Variants in KIAA1217 observed in about 807,000 individuals in gnomAD.
The protein encoded by KIAA1217 is sickle tail protein homolog.
Under a neutral mutation model 163.9 loss-of-function variants are expected in KIAA1217, and 88 were observed. The observed-to-expected ratio is 0.54, with a 90% CI of 0.45 to 0.64. The LOEUF is 0.64. Ranked by LOEUF, KIAA1217 falls within the 30% of genes least tolerant of loss-of-function variation. The pLI is 0.00. For synonymous variants in KIAA1217, 903 were observed against 923.1 expected, an observed-to-expected ratio of 0.98 and a Z score of 0.39; for missense variants, 2,372 against 2,475.0, an observed-to-expected ratio of 0.96 and a Z score of 0.88.
chr10:24,264,824 T>TCTCTCTCC (rs1483341281), intron 2 of KIAA1217, among the ~76,000 whole-genome samples: 1 of 151,508 alleles, frequency 6.6e-6, no homozygotes, highest in African/African-American at 2.4e-5. Flanking sequence ...TCTCTCTCTC[T>TCTCTCTCC]CTCCCTTTCT....
At chr10:23,925,135 C>A (rs1302703655) in intron 1 of KIAA1217, among the ~76,000 whole-genome samples, 1 of 151,542 alleles carries the variant, frequency 6.6e-6, no homozygotes, top group Non-Finnish European at 1.5e-5. Flanking sequence ...GGAGAGGAAG[C>A]AAGACAGAAG....
intron 1 of KIAA1217, among the ~76,000 whole-genome samples, chr10:23,923,157 T>C (rs1842909751): frequency 6.6e-6 from 1 of 152,138 alleles, no homozygotes; most frequent in Non-Finnish European, 1.5e-5. Context: ...TGCATCCTCA[T>C]AGCATAGCTC....
intron 2 of KIAA1217, among the ~76,000 whole-genome samples, chr10:24,287,075 A>T (rs2078613683): frequency 6.6e-6 from 1 of 152,064 alleles, no homozygotes; most frequent in Non-Finnish European, 1.5e-5. Flanking sequence ...TTTGAGATGG[A>T]GTCTTGCTCT....
intron 1 of KIAA1217, among the ~76,000 whole-genome samples, chr10:23,808,591 A>G (rs1836848864): frequency 6.6e-6 from 1 of 152,152 alleles, no homozygotes. Flanking sequence ...AACAGAAAAA[A>G]AGGGTGAACT....
intron 2 of KIAA1217, among the ~76,000 whole-genome samples, chr10:24,281,166 C>T (rs1307475379): frequency 6.6e-6 from 1 of 152,188 alleles, no homozygotes; most frequent in Non-Finnish European, 1.5e-5. Context: ...ACAATGTATG[C>T]AGTCTACTCT....
intron 2 of KIAA1217, among the ~76,000 whole-genome samples, chr10:24,094,148 T>C (rs2062052789): frequency 2.0e-5 from 3 of 152,130 alleles, no homozygotes; most frequent in South Asian, 4.1e-4. Context: ...TGATTTATAG[T>C]CCTTTCGGTA....
chr10:24,292,885 A>G (rs1175819297), intron 2 of KIAA1217, among the ~76,000 whole-genome samples: 4 of 152,104 alleles, frequency 2.6e-5, no homozygotes, highest in Non-Finnish European at 5.9e-5. Context: ...AAAAAGAAGA[A>G]AGGTGGCCTG....
At chr10:24,261,878 A>C (rs1389373862) in intron 2 of KIAA1217, among the ~76,000 whole-genome samples, 2 of 152,254 alleles carry the variant, frequency 1.3e-5, no homozygotes, top group Non-Finnish European at 2.9e-5. Flanking sequence ...CTCCACAGCA[A>C]CTAAGCCAAG....
At chr10:23,846,566 A>AT in intron 1 of KIAA1217, among the ~76,000 whole-genome samples, 1 of 151,944 alleles carries the variant, frequency 6.6e-6, no homozygotes, top group Admixed American at 6.6e-5. Flanking sequence ...AATGCATGTG[A>AT]TTTTTGCACA....
At chr10:24,128,541 C>T (rs775408979) in intron 2 of KIAA1217, among the ~76,000 whole-genome samples, 3 of 152,200 alleles carry the variant, frequency 2.0e-5, no homozygotes, top group Non-Finnish European at 4.4e-5. Flanking sequence ...CTGATGCACA[C>T]GACCTATTGA....
intron 2 of KIAA1217, among the ~76,000 whole-genome samples, chr10:24,228,524 G>T (rs1387783198): frequency 6.6e-6 from 1 of 152,052 alleles, no homozygotes; most frequent in Non-Finnish European, 1.5e-5. Context: ...TTCTCACAAT[G>T]ACTTAGGAAT....
Position 24,363,208 on chromosome 10 carries a change from ATTC to A in KIAA1217, c.355-17660_355-17658del, listed in dbSNP as rs1469180151. ...CCGTTTGAAGTACTGTACGTGTGTCATTCATTTCTGGTTCTCTCCACTACATTT... is the reference window on the plus strand; with the variant it reads ...CCGTTTGAAGTACTGTACGTGTGTCAATTTCTGGTTCTCTCCACTACATTT... On this transcript the variant is annotated intron_variant, in intron 2 of 20. Transcript: ENST00000376454. Among the ~76,000 whole-genome samples, 3 of 152,214 alleles carry A rather than the reference ATTC, an allele frequency of 2.0e-5. No homozygotes were observed. The East Asian group carries it at 5.8e-4, about 29-fold the overall frequency.
intron 14 of KIAA1217, among the ~76,000 whole-genome samples, chr10:24,528,562 C>T (rs1035450684): frequency 2.0e-5 from 3 of 152,072 alleles, no homozygotes; most frequent in African/African-American, 7.2e-5. Context: ...CTTCTGGCCT[C>T]AAGCAATCCT....
At chr10:24,212,416 A>G (rs2068255410) in intron 1 of KIAA1217, among the ~76,000 whole-genome samples, 1 of 152,206 alleles carries the variant, frequency 6.6e-6, no homozygotes, top group African/African-American at 2.4e-5. Flanking sequence ...TAATCACTAG[A>G]GCTGAAGGAA....
chr10:24,384,675 G>A (rs927222594), intron 3 of KIAA1217, among the ~76,000 whole-genome samples: 1 of 40,796 alleles, frequency 2.5e-5, no homozygotes, highest in Non-Finnish European at 4.0e-5. Flanking sequence ...TAGCTGGGAC[G>A]CAGGTGCCTG....
chr10:24,446,941 C>T (rs961900870), intron 5 of KIAA1217, among the ~76,000 whole-genome samples: 6 of 152,106 alleles, frequency 3.9e-5, no homozygotes, highest in Admixed American at 1.3e-4. Context: ...CACTACCGTC[C>T]GTCCTTTCCC....
chr10:23,744,786 C>T (rs1377828983), intron 1 of KIAA1217, among the ~76,000 whole-genome samples: 11 of 152,108 alleles, frequency 7.2e-5, no homozygotes, highest in African/African-American at 2.4e-4. Flanking sequence ...CTGGAAGGTA[C>T]ATATTCCTGT....
chr10:24,447,725 C>T (rs1013907183), intron 5 of KIAA1217, among the ~76,000 whole-genome samples: 12 of 152,184 alleles, frequency 7.9e-5, no homozygotes, highest in African/African-American at 2.2e-4. Flanking sequence ...TGTAAAGGTA[C>T]GTGTTTGAGG....
At chr10:24,366,486 A>G (rs559849246) in intron 2 of KIAA1217, among the ~76,000 whole-genome samples, 38 of 152,350 alleles carry the variant, frequency 2.5e-4, no homozygotes, top group Non-Finnish European at 4.7e-4. Flanking sequence ...AGTGGCATCA[A>G]TGAGAATTAA....
Sources: gnomAD v4.1 joint callset for allele counts (sites outside exome capture counted in the v4.1 genomes callset) on GRCh38, gnomAD v4.1.1 for gene constraint, MANE v1.5 for transcripts, NCBI Gene and HGNC (gene_info 2026-07-23, HGNC 2026-07-21) for gene names.